Variants in RNF170 observed in about 807,000 individuals in gnomAD.
RNF170 encodes the protein E3 ubiquitin-protein ligase RNF170.
Under a neutral mutation model 32.7 loss-of-function variants are expected in RNF170, and 12 were observed. The observed-to-expected ratio is 0.37, with a 90% CI of 0.24 to 0.60. RNF170 has a LOEUF of 0.60. Ranked by LOEUF, RNF170 falls within the 20% of genes least tolerant of loss-of-function variation. RNF170 has a pLI of 0.72. For missense variants in RNF170, 212 were observed against 311.2 expected, an observed-to-expected ratio of 0.68 and a Z score of 2.40; for synonymous variants, 91 against 103.6, an observed-to-expected ratio of 0.88 and a Z score of 0.74.
intron 1 of RNF170, among the ~76,000 whole-genome samples, chr8:42,892,071 G>A (rs1806349901): frequency 6.6e-6 from 1 of 152,128 alleles, no homozygotes; most frequent in African/African-American, 2.4e-5. Flanking sequence ...TACTCCGGAG[G>A]CACCTACACT....
At chr8:42,891,044 A>T (rs1387821308) in intron 1 of RNF170, among the ~76,000 whole-genome samples, 1 of 152,116 alleles carries the variant, frequency 6.6e-6, no homozygotes, top group Non-Finnish European at 1.5e-5. Context: ...CTGTTCTCCA[A>T]CTTTTGTTGT....
chr8:42,871,902 C>T (rs1804551153), intron 3 of RNF170, among the ~76,000 whole-genome samples: 1 of 152,194 alleles, frequency 6.6e-6, no homozygotes, highest in Non-Finnish European at 1.5e-5. Context: ...AAACAATTAA[C>T]GGTGCTGTCC....
downstream of RNF170, among the ~76,000 whole-genome samples, chr8:42,851,482 T>C (rs1469748871): frequency 6.6e-6 from 1 of 151,472 alleles, no homozygotes; most frequent in Non-Finnish European, 1.5e-5. Context: ...GGAGAATCGC[T>C]TGAGCCCAGG....
rs879492366 is a variant in RNF170 at position 42,854,157 on chromosome 8, A to G, written c.*2002T>C. ...TTACCTATTTGATTTGGAAGTGTAG[A>G]ATTCGGATTCATGTCATCTCCACAG... On this transcript the variant is annotated 3_prime_UTR_variant, in exon 7 of 7. Transcript: ENST00000527424. The G allele has an allele frequency of 2.2e-5, 28 of 1,287,118 alleles. No individual in the cohort carries two copies. In the Admixed American group the frequency reaches 2.3e-4, roughly 11 times the overall value. The allele number at this position is 1,287,118 out of a possible 1,614,324, so 79.7% of individuals were successfully genotyped here. A position where few individuals can be genotyped will look rare whatever the true frequency, so the allele number is the denominator to read the frequency against.
At chr8:42,864,506 G>A (rs562650086) in intron 5 of RNF170, among the ~76,000 whole-genome samples, 3 of 152,164 alleles carry the variant, frequency 2.0e-5, no homozygotes, top group Non-Finnish European at 4.4e-5. Flanking sequence ...GAGAATATTG[G>A]TTTCTCAGAA....
At chr8:42,850,666 A>C, downstream of RNF170, 2 of 1,037,730 alleles carry the variant, frequency 1.9e-6, no homozygotes, top group Non-Finnish European at 2.9e-6. Flanking sequence ...CAATATGATG[A>C]TGCTGTGCTG....
chr8:42,854,700 T>C lies in RNF170; in HGVS notation c.*1459A>G. On this transcript the variant is annotated 3_prime_UTR_variant, in exon 7 of 7. Coordinates refer to ENST00000527424, the MANE Select transcript of RNF170 (RefSeq NM_030954.4). ...GCATATAGTGAAGCTCACTAATAAA[T>C]TAATGGATGATATTAATAGCAGTGA... The C allele has an allele frequency of 7.8e-7, 1 of 1,287,372 alleles. No individual in the cohort carries two copies. The highest frequency in any genetic ancestry group is 1.0e-6 in the Non-Finnish European group (1 of 988,684). The allele number at this position is 1,287,372 out of a possible 1,614,324, so 79.7% of individuals were successfully genotyped here.
intron 3 of RNF170, among the ~76,000 whole-genome samples, chr8:42,871,649 G>A (rs1314646729): frequency 1.3e-5 from 2 of 151,388 alleles, no homozygotes; most frequent in East Asian, 3.9e-4. Context: ...TCAGCTCACT[G>A]AAACCTCTGC....
intron 6 of RNF170, among the ~76,000 whole-genome samples, chr8:42,859,742 G>C (rs763434781): frequency 6.6e-6 from 1 of 152,110 alleles, no homozygotes; most frequent in African/African-American, 2.4e-5. Flanking sequence ...TCTGCCTCCC[G>C]GGCTCAAGCA....
At chr8:42,865,586 C>T in intron 4 of RNF170, 97 bp from the exon 5 acceptor site, 1 of 911,088 alleles carries the variant, frequency 1.1e-6, no homozygotes, top group Non-Finnish European at 1.8e-6. Flanking sequence ...AATATTTTAA[C>T]AGTACCACGT....
chr8:42,886,923 T>C (rs1260501799), intron 2 of RNF170, among the ~76,000 whole-genome samples: 1 of 150,258 alleles, frequency 6.7e-6, no homozygotes, highest in Non-Finnish European at 1.5e-5. Context: ...GGAGGCTGAG[T>C]CGGGTGGTTC....
At chr8:42,852,690 C>T (rs1802971700), downstream of RNF170, among the ~76,000 whole-genome samples, 1 of 152,126 alleles carries the variant, frequency 6.6e-6, no homozygotes, top group South Asian at 2.1e-4. Flanking sequence ...GCTGGGATTA[C>T]AGGTGTGAGC....
At chr8:42,896,391 G>A (rs1484569271) in intron 1 of RNF170, 93 bp downstream of exon 1, 7 of 442,508 alleles carry the variant, frequency 1.6e-5, no homozygotes, top group Admixed American at 2.4e-5. Context: ...CAGAGCCTCG[G>A]CGGCCAGAGC....
Position 42,867,648 on chromosome 8 carries a change from C to T in RNF170, c.323-2159G>A, listed in dbSNP as rs1380045881. Among the ~76,000 whole-genome samples the T allele has an allele frequency of 2.7e-5, 4 of 148,998 alleles. No homozygotes were observed. In the East Asian group the frequency reaches 5.9e-4, roughly 22 times the overall value. ...AAAATTAGCCAGGTGTGGTGGCAGG[C>T]GCCTATAGTTCCAGCTACTCAGGAG... On this transcript the variant is annotated intron_variant, in intron 4 of 6. Coordinates refer to ENST00000527424, the MANE Select transcript of RNF170 (RefSeq NM_030954.4).
chr8:42,860,967 C>G (rs1803611317), intron 6 of RNF170, among the ~76,000 whole-genome samples: 1 of 152,198 alleles, frequency 6.6e-6, no homozygotes, highest in East Asian at 1.9e-4. Flanking sequence ...ATCCACCCGC[C>G]TCGGCCTCCC....
chr8:42,896,262 G>T (rs535498083), intron 1 of RNF170: 2 of 342,758 alleles, frequency 5.8e-6, no homozygotes, highest in East Asian at 9.4e-5. Flanking sequence ...ACCTAGAGCC[G>T]CTCTCCGCGT....
At chr8:42,887,670 G>C in intron 2 of RNF170, 58 bp downstream of exon 2, 1 of 1,485,160 alleles carries the variant, frequency 6.7e-7, no homozygotes, top group Admixed American at 1.7e-5. Context: ...CATTATTAGG[G>C]GTCAAAAAGT....
intron 5 of RNF170, among the ~76,000 whole-genome samples, chr8:42,864,336 A>C (rs1803927117): frequency 6.6e-6 from 1 of 152,006 alleles, no homozygotes; most frequent in Admixed American, 6.6e-5. Flanking sequence ...CCCAGCTTCA[A>C]GTGATCCTCC....
At chr8:42,853,260 C>A (rs1447645837), downstream of RNF170, 1 of 1,047,082 alleles carries the variant, frequency 9.6e-7, no homozygotes, top group East Asian at 6.1e-5. Context: ...GTTCTGAAAG[C>A]AAACAACTGT....
Sources: allele counts gnomAD v4.1 joint callset (sites outside exome capture counted in the v4.1 genomes callset), GRCh38; gene constraint gnomAD v4.1.1; transcripts MANE v1.5; gene names NCBI Gene and HGNC (gene_info 2026-07-23, HGNC 2026-07-21).